Variants in MIS18BP1 observed in about 807,000 individuals in gnomAD.
MIS18BP1 encodes the protein MIS18 binding protein 1.
MIS18BP1 carries 72 observed loss-of-function variants against 116.1 expected under a neutral mutation model. That is an observed-to-expected ratio of 0.62 (90% CI 0.51 to 0.75). MIS18BP1 has a LOEUF of 0.75. Ranked by LOEUF, MIS18BP1 falls within the 30% of genes least tolerant of loss-of-function variation. The probability of loss-of-function intolerance (pLI) is 0.00; values close to 1 mark genes in which losing one functional copy is unlikely to be tolerated. For missense variants in MIS18BP1, 1,363 were observed against 1,303.2 expected (o/e 1.05, Z -0.71); for synonymous variants, 386 against 427.0 (o/e 0.90, Z 1.18).
chr14:45,247,573 G>A (rs561279153), intron 1 of MIS18BP1, among the ~76,000 whole-genome samples, 196 bp from the exon 2 acceptor site: 29 of 151,980 alleles, frequency 1.9e-4, no homozygotes, highest in Non-Finnish European at 7.4e-5. Context: ...TGGTGTACAC[G>A]CCTGTAGTCC....
At chr14:45,250,706 G>T (rs1891845429) in intron 1 of MIS18BP1, among the ~76,000 whole-genome samples, 1 of 152,222 alleles carries the variant, frequency 6.6e-6, no homozygotes, top group South Asian at 2.1e-4. Context: ...AAAGACATGG[G>T]AATGGGAAAA....
Position 45,223,903 on chromosome 14 carries a change from A to T in MIS18BP1, c.2669+15T>A. On this transcript the variant is annotated intron_variant, in intron 11 of 16. Coordinates refer to ENST00000310806, the MANE Select transcript of MIS18BP1 (RefSeq NM_018353.5). ...CTGCTCTGTAGATATTTCGGAATGA[A>T]ATCTAACTACTTACCAATGAAGTTT... The T allele has an allele frequency of 6.5e-7, 1 of 1,530,904 alleles. No individual in the cohort carries two copies. The highest frequency in any genetic ancestry group is 8.8e-7 in the Non-Finnish European group (1 of 1,140,712). The allele number at this position is 1,530,904 out of a possible 1,614,324, so 94.8% of individuals were successfully genotyped here. A position where few individuals can be genotyped will look rare whatever the true frequency, so the allele number is the denominator to read the frequency against.
At chr14:45,208,753 C>T (rs1193076515) in intron 14 of MIS18BP1, among the ~76,000 whole-genome samples, 1 of 152,006 alleles carries the variant, frequency 6.6e-6, no homozygotes, top group Non-Finnish European at 1.5e-5. Context: ...TTTTAGATGC[C>T]TAGGAAAATT....
At position 45,210,517 on chromosome 14, in the gene MIS18BP1, G is replaced by A; in HGVS notation, c.3015C>T (p.Phe1005=). 6.2e-7 allele frequency: 1 copy of A among 1,613,722 alleles called. No homozygotes were observed. The highest frequency in any genetic ancestry group is 8.5e-7 in the Non-Finnish European group (1 of 1,179,888). The change falls in exon 14 of 17, where the codon TTC becomes TTT. Residue 1005 remains phenylalanine (F), a synonymous_variant. Transcript: ENST00000310806. ...LQHQRILLPS[F]QDSEDDDDIL... ...TATCATCATCATCTTCACTGTCCTG[G>A]AAACTTGGCAACTAGAAAACAAGTA...
chr14:45,212,168 ATT>A (rs1160898695), intron 13 of MIS18BP1, among the ~76,000 whole-genome samples: 2 of 151,960 alleles, frequency 1.3e-5, no homozygotes, highest in Admixed American at 6.6e-5. Flanking sequence ...TTAACTGGGG[ATT>A]TGTTTGGAGG....
chr14:45,226,951 A>G (rs1427921889), intron 9 of MIS18BP1, 115 bp from the exon 10 acceptor site: 1 of 858,322 alleles, frequency 1.2e-6, no homozygotes, highest in Middle Eastern at 3.8e-4. Flanking sequence ...ACAGTTCCGC[A>G]AATTTCATTA....
At chr14:45,232,191 T>G (rs994663113) in intron 7 of MIS18BP1, among the ~76,000 whole-genome samples, 2 of 150,436 alleles carry the variant, frequency 1.3e-5, no homozygotes, top group African/African-American at 2.5e-5. Flanking sequence ...CCAAGGTGGG[T>G]GGATCAGGAG....
At chr14:45,244,954 T>C (rs747430922) in intron 2 of MIS18BP1, among the ~76,000 whole-genome samples, 3 of 152,220 alleles carry the variant, frequency 2.0e-5, no homozygotes, top group Admixed American at 1.3e-4. Flanking sequence ...CTTCAATTTT[T>C]TTTCTTCCTA....
intron 2 of MIS18BP1, among the ~76,000 whole-genome samples, chr14:45,244,033 T>C (rs1891660919): frequency 6.6e-6 from 1 of 152,078 alleles, no homozygotes; most frequent in East Asian, 1.9e-4. Flanking sequence ...ACTTTGTGAG[T>C]CTCCCCACTT....
chr14:45,211,184 AC>A (rs1271123080), intron 13 of MIS18BP1, among the ~76,000 whole-genome samples: 1 of 152,044 alleles, frequency 6.6e-6, no homozygotes, highest in Non-Finnish European at 1.5e-5. Context: ...ACATGTTTTT[AC>A]CTAGACGCTT....
At chr14:45,249,119 T>G (rs1456566267) in intron 1 of MIS18BP1, among the ~76,000 whole-genome samples, 6 of 150,232 alleles carry the variant, frequency 4.0e-5, no homozygotes, top group African/African-American at 1.5e-4. Context: ...TGAGAGGGAG[T>G]CTTGCTCTGT....
intron 1 of MIS18BP1, among the ~76,000 whole-genome samples, chr14:45,251,397 A>G (rs1398097989): frequency 6.6e-6 from 1 of 152,190 alleles, no homozygotes; most frequent in East Asian, 1.9e-4. Flanking sequence ...GTTACAAGTG[A>G]CATATATAAA....
At chr14:45,210,677 G>A in intron 13 of MIS18BP1, 149 bp from the exon 14 acceptor site, 1 of 873,844 alleles carries the variant, frequency 1.1e-6, no homozygotes, top group Non-Finnish European at 1.7e-6. Context: ...AGGAGTAGAG[G>A]CTAGAGGAAC....
At chr14:45,247,515 A>C (rs970632012) in intron 1 of MIS18BP1, 138 bp from the exon 2 acceptor site, 21 of 353,220 alleles carry the variant, frequency 5.9e-5, no homozygotes, top group Middle Eastern at 1.6e-3. Flanking sequence ...AAATCAGACT[A>C]AGATTTTATT....
chr14:45,204,222 G>A lies in MIS18BP1; in HGVS notation c.3296-10C>T, dbSNP rs368162112. The A allele has an allele frequency of 1.3e-6, 2 of 1,583,078 alleles. No homozygotes were observed. The highest frequency in any genetic ancestry group is 1.7e-6 in the Non-Finnish European group (2 of 1,170,310). The stretch of plus-strand genomic sequence containing the variant: ...GAGTTTTCTCCTAAGTCTGTAAAGA[G>A]AAGTTTAATAAAAAGATAATAAATT... On this transcript the variant is annotated splice_polypyrimidine_tract_variant and intron_variant, in intron 16 of 16. Transcript: ENST00000310806.
chr14:45,230,977 GTTAC>G (rs1446205840), intron 8 of MIS18BP1, among the ~76,000 whole-genome samples, 160 bp downstream of exon 8: 2 of 152,150 alleles, frequency 1.3e-5, no homozygotes, highest in African/African-American at 4.8e-5. Flanking sequence ...CTGTATTATA[GTTAC>G]TTCTCATATA....
At position 45,235,863 on chromosome 14, in the gene MIS18BP1, G is replaced by A. The variant is rs777473290; in HGVS notation, c.1299C>T (p.Asn433=). 50 of 1,609,794 alleles carry A rather than the reference G, an allele frequency of 3.1e-5. No individual in the cohort carries two copies. The highest frequency in any genetic ancestry group is 2.7e-4 in the East Asian group (12 of 44,714). ...EHNKLRTISG[N]VYILKGMIDQ... ...CTATCATGCCTTTTAATATATAAACGTTGCCTGATATAGTCCTAAGTTTGT... is the reference window on the plus strand; with the variant it reads ...CTATCATGCCTTTTAATATATAAACATTGCCTGATATAGTCCTAAGTTTGT... The change falls in exon 6 of 17, where the codon AAC becomes AAT. Residue 433 remains asparagine, a synonymous_variant. Coordinates refer to ENST00000310806, the MANE Select transcript of MIS18BP1 (RefSeq NM_018353.5).
intron 7 of MIS18BP1, among the ~76,000 whole-genome samples, chr14:45,232,314 G>A (rs1891303110): frequency 6.6e-6 from 1 of 151,550 alleles, no homozygotes; most frequent in Non-Finnish European, 1.5e-5. Flanking sequence ...CTACTCGGGA[G>A]GCTGAGGCAG....
At chr14:45,217,313 G>A in intron 12 of MIS18BP1, 134 bp from the exon 13 acceptor site, 2 of 943,420 alleles carry the variant, frequency 2.1e-6, no homozygotes, top group Non-Finnish European at 3.1e-6. Flanking sequence ...CCTTGGCCAG[G>A]CTCAGTGGCT....
Sources: allele counts gnomAD v4.1 joint callset (sites outside exome capture counted in the v4.1 genomes callset), GRCh38; gene constraint gnomAD v4.1.1; transcripts MANE v1.5; gene names NCBI Gene and HGNC (gene_info 2026-07-23, HGNC 2026-07-21).